The following OSBPL10 variants were observed in gnomAD, a reference collection of about 807,000 sequenced individuals.
The protein encoded by OSBPL10 is oxysterol-binding protein-related protein 10.
OSBPL10 carries 49 observed loss-of-function variants against 81.7 expected under a neutral mutation model. The ratio of observed to expected loss-of-function variants is 0.60; its 90% confidence interval spans 0.48 to 0.76. OSBPL10 has a LOEUF of 0.76. Among genes scored for constraint, OSBPL10 ranks in the 30% least tolerant of loss-of-function variants. The pLI is 0.00. For synonymous variants in OSBPL10, 419 were observed against 383.6 expected (o/e 1.09, Z -1.08); for missense variants, 923 against 987.8 (o/e 0.93, Z 0.88).
intron 4 of OSBPL10, among the ~76,000 whole-genome samples, chr3:31,818,434 T>C (rs1412195293): frequency 2.6e-5 from 4 of 152,172 alleles, no homozygotes; most frequent in Non-Finnish European, 4.4e-5. Context: ...TCTCTCTCTG[T>C]GTGCACGGGT....
intron 2 of OSBPL10, among the ~76,000 whole-genome samples, chr3:32,011,855 T>C (rs547060544): frequency 6.6e-6 from 1 of 151,756 alleles, no homozygotes; most frequent in South Asian, 2.1e-4. Context: ...TGATGGAAGA[T>C]CAAATGAATG....
chr3:31,675,883 T>C (rs981954989), intron 8 of OSBPL10, among the ~76,000 whole-genome samples: 1 of 149,566 alleles, frequency 6.7e-6, no homozygotes, highest in African/African-American at 2.5e-5. Context: ...GAGGCGGAGC[T>C]TGCAGTGAGC....
chr3:31,745,890 G>A (rs892842323), intron 5 of OSBPL10, among the ~76,000 whole-genome samples: 18 of 152,106 alleles, frequency 1.2e-4, no homozygotes, highest in Non-Finnish European at 2.5e-4. Flanking sequence ...GTGAAACAAA[G>A]GGCAAAGGGC....
intron 11 of OSBPL10, chr3:31,663,147 G>C: frequency 1.0e-6 from 1 of 985,458 alleles, no homozygotes; most frequent in Non-Finnish European, 1.2e-6. Context: ...CTTTGTAGCA[G>C]AAGTCAGGGG....
intron 3 of OSBPL10, among the ~76,000 whole-genome samples, chr3:31,865,670 CACA>C (rs1396082655): frequency 1.3e-5 from 2 of 152,144 alleles, no homozygotes; most frequent in Non-Finnish European, 2.9e-5. Flanking sequence ...CAGACTAAGA[CACA>C]ACATTTTAAT....
At chr3:31,777,442 C>T (rs1430185834) in intron 4 of OSBPL10, among the ~76,000 whole-genome samples, 2 of 152,144 alleles carry the variant, frequency 1.3e-5, no homozygotes, top group Non-Finnish European at 2.9e-5. Context: ...ACAGGAAGTG[C>T]TAATGTCCCT....
intron 3 of OSBPL10, among the ~76,000 whole-genome samples, chr3:31,852,075 C>T (rs534660668): frequency 3.3e-5 from 5 of 152,330 alleles, no homozygotes; most frequent in Admixed American, 6.5e-5. Flanking sequence ...AAGTGAAGAA[C>T]TGAACATATG....
chr3:31,693,966 T>C (rs2125573676), intron 7 of OSBPL10, among the ~76,000 whole-genome samples: 1 of 152,244 alleles, frequency 6.6e-6, no homozygotes, highest in East Asian at 1.9e-4. Flanking sequence ...GACAAGGTCT[T>C]GCTATGTTGC....
intron 1 of OSBPL10, among the ~76,000 whole-genome samples, chr3:31,917,998 C>A (rs778309900): frequency 6.6e-6 from 1 of 151,744 alleles, no homozygotes; most frequent in Non-Finnish European, 1.5e-5. Flanking sequence ...TAAGTGAAAC[C>A]ATTTTTGACA....
At chr3:32,039,312 C>G (rs1226121939) in intron 2 of OSBPL10, among the ~76,000 whole-genome samples, 1 of 143,660 alleles carries the variant, frequency 7.0e-6, no homozygotes, top group African/African-American at 2.6e-5. Context: ...GGCAACAGAG[C>G]AAGACTCTGT....
In OSBPL10 at chr3:32,066,417, A is replaced by G. The variant is rs185804393; in HGVS notation, n.185+10979T>C. On this transcript the variant is annotated intron_variant and non_coding_transcript_variant, in intron 1 of 3. Coordinates refer to the OSBPL10 transcript ENST00000479173. The stretch of plus-strand genomic sequence containing the variant: ...CCTTGTTGGAGTCTGAGTTGAGCCA[A>G]TCTCACATTGTAATGGTCCCTATAC... 4.0e-3 allele frequency: 605 copies of G among 152,334 alleles called. 3 individuals are homozygous for G. The highest frequency in any genetic ancestry group is 6.4e-3 in the Non-Finnish European group (437 of 68,044). The allele number at this position is 152,334 out of a possible 1,614,324, so 9.4% of individuals were successfully genotyped here. A position where few individuals can be genotyped will look rare whatever the true frequency, so the allele number is the denominator to read the frequency against.
chr3:31,762,630 A>AATTTTTTTTTTTTTTT (rs1698079634), intron 4 of OSBPL10, among the ~76,000 whole-genome samples: 1 of 61,514 alleles, frequency 1.6e-5, no homozygotes, highest in Non-Finnish European at 2.7e-5. Context: ...CATGCCCAGC[A>AATTTTTTTTTTTTTTT]TTTTTTTTTT....
intron 4 of OSBPL10, among the ~76,000 whole-genome samples, chr3:31,785,440 C>G (rs971543819): frequency 6.6e-6 from 1 of 152,140 alleles, no homozygotes; most frequent in Non-Finnish European, 1.5e-5. Context: ...AAATCCAGAT[C>G]TGGCCAGGCA....
intron 4 of OSBPL10, among the ~76,000 whole-genome samples, chr3:31,787,730 G>C (rs1698895708): frequency 6.6e-6 from 1 of 152,134 alleles, no homozygotes; most frequent in Non-Finnish European, 1.5e-5. Flanking sequence ...GTCCTAGATT[G>C]GTTCACAGTC....
chr3:31,758,951 C>T (rs114253834), intron 4 of OSBPL10, among the ~76,000 whole-genome samples: 3,267 of 152,166 alleles, frequency 0.021, 50 homozygotes, highest in Non-Finnish European at 0.035. Flanking sequence ...AGGCTGCGGC[C>T]GTTTGTGAGA....
chr3:32,043,099 C>A (rs1699591829), intron 2 of OSBPL10, among the ~76,000 whole-genome samples: 1 of 152,068 alleles, frequency 6.6e-6, no homozygotes, highest in African/African-American at 2.4e-5. Flanking sequence ...GACCAGGGCA[C>A]ATTTCAGCCC....
intron 1 of OSBPL10, among the ~76,000 whole-genome samples, chr3:32,054,399 T>A (rs1212039983): frequency 2.6e-5 from 4 of 152,178 alleles, no homozygotes; most frequent in Non-Finnish European, 4.4e-5. Flanking sequence ...GTTATTGGTA[T>A]GTGTTCCAAA....
intron 1 of OSBPL10, among the ~76,000 whole-genome samples, chr3:32,057,648 G>A (rs1699722540): frequency 6.6e-6 from 1 of 152,134 alleles, no homozygotes; most frequent in Admixed American, 6.5e-5. Context: ...GAATAGCATG[G>A]GAGAAACTGC....
chr3:31,989,438 A>G (rs1698991859), intron 2 of OSBPL10: 1 of 1,614,112 alleles, frequency 6.2e-7, no homozygotes, highest in East Asian at 2.2e-5. Flanking sequence ...CAAGAAGACA[A>G]AAGAAATAGC....
Sources: allele counts gnomAD v4.1 joint callset (sites outside exome capture counted in the v4.1 genomes callset), GRCh38; gene constraint gnomAD v4.1.1; transcripts MANE v1.5; gene names NCBI Gene and HGNC (gene_info 2026-07-23, HGNC 2026-07-21).